CABIN1: variants seen among roughly 807,000 people sequenced by gnomAD.
CABIN1 encodes calcineurin binding protein 1.
A neutral mutation model predicts 227.7 loss-of-function variants in CABIN1; 133 were observed. That is an observed-to-expected ratio of 0.58 (90% CI 0.51 to 0.67). CABIN1 has a LOEUF of 0.67. Ranked by LOEUF, CABIN1 falls within the 30% of genes least tolerant of loss-of-function variation. CABIN1 has a pLI of 0.00. For missense variants in CABIN1, 2,408 were observed against 2,852.5 expected (o/e 0.84, Z 3.55); for synonymous variants, 1,086 against 1,155.1 (o/e 0.94, Z 1.21).
chr22:24,099,730 A>C (rs905887538), intron 26 of CABIN1, among the ~76,000 whole-genome samples: 2 of 152,222 alleles, frequency 1.3e-5, no homozygotes, highest in African/African-American at 4.8e-5. Context: ...CAAAGTTTTC[A>C]GGAGAGGAAT....
Position 24,091,663 on chromosome 22 carries a change from CGAG to C in CABIN1, c.3613_3615del (p.Glu1205del), listed in dbSNP as rs759683856. 18 of 1,614,072 alleles carry C rather than the reference CGAG, an allele frequency of 1.1e-5. No individual in the cohort carries two copies. Among genetic ancestry groups the C allele is most frequent in the Non-Finnish European group, 1.5e-5 (18 of 1,180,050 alleles). On this transcript the variant is annotated inframe_deletion, in exon 24 of 37. Coordinates refer to ENST00000263119, the MANE Select transcript of CABIN1 (RefSeq NM_012295.4). ...CAGCCCGCTGCGAGGGTGATGGTGA[CGAG>C]GAGGAGTGGCTCATCCACTACATGC... is the stretch of plus-strand genomic sequence containing the variant.
At chr22:24,165,801 T>C (rs543668080) in intron 31 of CABIN1, among the ~76,000 whole-genome samples, 175 bp downstream of exon 31, 1 of 152,132 alleles carries the variant, frequency 6.6e-6, no homozygotes, top group South Asian at 2.1e-4. Flanking sequence ...TCAGCCGTGG[T>C]AATGAATGCA....
At position 24,067,136 on chromosome 22, in the gene CABIN1, T is replaced by G; in HGVS notation, c.2187T>G (p.Phe729Leu). 1.2e-6 allele frequency: 2 copies of G among 1,614,272 alleles called. No homozygotes were observed. The highest frequency in any genetic ancestry group is 1.7e-6 in the Non-Finnish European group (2 of 1,180,046). Residue 729 changes from phenylalanine to leucine, a missense_variant, in exon 16 of 37, where the codon TTT becomes TTG. Physicochemically the swap from Phe to Leu is conservative, Grantham distance 22. This residue lies in a region of CABIN1 where 1,045 missense variants were observed against 1,168.4 expected (regional missense o/e 0.89). Coordinates refer to ENST00000263119, the MANE Select transcript of CABIN1 (RefSeq NM_012295.4). ...SGFDRAKHLE[F>L]MTSIPERPAQ... ...TTGACCGGGCCAAACACCTGGAGTT[T>G]ATGACTTCCATTCCTGAGAGGCCAG...
chr22:24,150,224 G>A (rs1186184747), intron 29 of CABIN1, among the ~76,000 whole-genome samples: 2 of 152,246 alleles, frequency 1.3e-5, no homozygotes, highest in African/African-American at 4.8e-5. Flanking sequence ...GCTCTTAGCA[G>A]GTGCCCTGAG....
At chr22:24,136,209 C>T (rs1211315707) in intron 29 of CABIN1, among the ~76,000 whole-genome samples, 1 of 152,086 alleles carries the variant, frequency 6.6e-6, no homozygotes, top group East Asian at 1.9e-4. Context: ...CACACTTCTG[C>T]CCCTTGTATT....
At chr22:24,054,734 G>C in intron 8 of CABIN1, 139 bp from the exon 9 acceptor site, 1 of 1,053,204 alleles carries the variant, frequency 9.5e-7, no homozygotes, top group South Asian at 1.3e-5. Context: ...ATGAAACCTT[G>C]ATCACCTCCC....
chr22:24,165,882 C>A lies in CABIN1; in HGVS notation c.5007+256C>A, dbSNP rs12160019. On this transcript the variant is annotated intron_variant, in intron 31 of 36. Transcript: ENST00000263119. ...CATAGTGACTCCATGAAACTGAGCT[C>A]CCCAAGGGCTGCACCACCCAGGGCG... 1.8e-3 allele frequency among the ~76,000 whole-genome samples: 269 copies of A among 152,324 alleles called. 1 individual carries two copies. Among genetic ancestry groups the A allele is most frequent in the African/African-American group, 6.1e-3 (253 of 41,570 alleles).
intron 32 of CABIN1, 87 bp from the exon 33 acceptor site, chr22:24,168,360 C>G: frequency 7.6e-7 from 1 of 1,323,446 alleles, no homozygotes; most frequent in Non-Finnish European, 1.1e-6. Flanking sequence ...CCTACCTAGG[C>G]TGGTCTGTGC....
intron 1 of CABIN1, among the ~76,000 whole-genome samples, chr22:24,017,724 A>G (rs1331257857): frequency 1.3e-5 from 2 of 151,078 alleles, no homozygotes; most frequent in Non-Finnish European, 2.9e-5. Flanking sequence ...TAAATGTTTC[A>G]TTGTATGTAT....
intron 28 of CABIN1, among the ~76,000 whole-genome samples, chr22:24,128,360 A>G (rs912996429): frequency 5.3e-5 from 8 of 152,196 alleles, no homozygotes; most frequent in Non-Finnish European, 1.2e-4. Flanking sequence ...TTATCCAAAC[A>G]GACATTCTAA....
chr22:24,133,305 G>C (rs2044186820), intron 28 of CABIN1, among the ~76,000 whole-genome samples: 1 of 152,246 alleles, frequency 6.6e-6, no homozygotes, highest in South Asian at 2.1e-4. Flanking sequence ...CAGGGAGCTG[G>C]AGTTGCACTT....
chr22:24,104,042 G>T (rs143605859), intron 26 of CABIN1, among the ~76,000 whole-genome samples: 265 of 152,284 alleles, frequency 1.7e-3, no homozygotes, highest in Admixed American at 2.7e-3. Flanking sequence ...GGATACTGAG[G>T]TGACTGGGGT....
chr22:24,167,847 C>A (rs191211973), intron 32 of CABIN1, among the ~76,000 whole-genome samples: 9 of 152,294 alleles, frequency 5.9e-5, no homozygotes, highest in South Asian at 2.1e-4. Context: ...CCCCCAACTG[C>A]CCCATATCAT....
chr22:24,080,943 T>C (rs1370996929), intron 19 of CABIN1, among the ~76,000 whole-genome samples: 2 of 152,150 alleles, frequency 1.3e-5, no homozygotes, highest in Admixed American at 6.6e-5. Flanking sequence ...TTATACTCTT[T>C]GCCAGGGGTC....
At chr22:24,069,743 T>C (rs1242332397) in intron 16 of CABIN1, among the ~76,000 whole-genome samples, 1 of 151,324 alleles carries the variant, frequency 6.6e-6, no homozygotes, top group Non-Finnish European at 1.5e-5. Context: ...TCCTGGCAAT[T>C]AGGATTTATA....
intron 26 of CABIN1, among the ~76,000 whole-genome samples, chr22:24,111,032 G>A (rs141179013): frequency 6.6e-5 from 10 of 152,140 alleles, no homozygotes; most frequent in African/African-American, 2.2e-4. Flanking sequence ...TTGTGACTCC[G>A]ATTAGCATGT....
intron 29 of CABIN1, among the ~76,000 whole-genome samples, chr22:24,138,846 G>A (rs1052179277): frequency 6.6e-6 from 1 of 152,174 alleles, no homozygotes; most frequent in East Asian, 1.9e-4. Context: ...ACCCAACAAG[G>A]CCTGTCTGTT....
At chr22:24,136,501 T>C (rs6519499) in intron 29 of CABIN1, among the ~76,000 whole-genome samples, 36,665 of 145,970 alleles carry the variant, frequency 0.25, 5,365 homozygotes, top group African/African-American at 0.4. Flanking sequence ...GGGTCCACAC[T>C]GCCACGCCCA....
intron 33 of CABIN1, among the ~76,000 whole-genome samples, chr22:24,169,317 C>T (rs562749719): frequency 1.3e-5 from 2 of 152,240 alleles, no homozygotes; most frequent in South Asian, 2.1e-4. Context: ...TGTCCCGATG[C>T]CCCCGGTAGC....
Sources: allele counts gnomAD v4.1 joint callset (sites outside exome capture counted in the v4.1 genomes callset), GRCh38; gene constraint gnomAD v4.1.1; regional missense constraint gnomAD v4.1.1; transcripts MANE v1.5; gene names NCBI Gene and HGNC (gene_info 2026-07-23, HGNC 2026-07-21).